NTM: variants seen among roughly 807,000 people sequenced by gnomAD.
NTM encodes the protein neurotrimin, also known as IgLON family member 2.
NTM carries 13 observed loss-of-function variants against 42.1 expected under a neutral mutation model. That is an observed-to-expected ratio of 0.31 (90% CI 0.20 to 0.49). NTM has a LOEUF of 0.49. Among genes scored for constraint, NTM ranks in the 20% least tolerant of loss-of-function variants. NTM has a pLI of 0.99. For missense variants in NTM, 373 were observed against 452.8 expected, an observed-to-expected ratio of 0.82 and a Z score of 1.60; for synonymous variants, 187 against 179.2, an observed-to-expected ratio of 1.04 and a Z score of -0.35.
At chr11:131,645,525 T>C (rs2065666932) in intron 1 of NTM, among the ~76,000 whole-genome samples, 1 of 152,182 alleles carries the variant, frequency 6.6e-6, no homozygotes, top group South Asian at 2.1e-4. Flanking sequence ...CCACAGGAAA[T>C]CTATTCTTTC....
At chr11:131,422,903 T>A (rs762979275) in intron 1 of NTM, among the ~76,000 whole-genome samples, 18 of 152,234 alleles carry the variant, frequency 1.2e-4, no homozygotes, top group Non-Finnish European at 2.6e-4. Flanking sequence ...TTCCTGCTCT[T>A]GTTTCTACTT....
intron 1 of NTM, among the ~76,000 whole-genome samples, chr11:131,476,378 C>T (rs1191919577): frequency 6.6e-6 from 1 of 152,164 alleles, no homozygotes; most frequent in Non-Finnish European, 1.5e-5. Context: ...TGTACCTGGG[C>T]CCTGTGGCCA....
chr11:132,150,768 TG>T (rs2071719353), intron 3 of NTM, among the ~76,000 whole-genome samples: 1 of 152,036 alleles, frequency 6.6e-6, no homozygotes, highest in Admixed American at 6.5e-5. Context: ...AGTGTGAGCA[TG>T]GGGGTGATGA....
chr11:131,681,210 T>TC, intron 1 of NTM, among the ~76,000 whole-genome samples: 1 of 61,722 alleles, frequency 1.6e-5, no homozygotes, highest in African/African-American at 4.3e-5. Context: ...AGTGTGTGTT[T>TC]CTGTGTCTGT....
intron 1 of NTM, among the ~76,000 whole-genome samples, chr11:131,615,529 C>T (rs2061841871): frequency 1.3e-5 from 2 of 152,132 alleles, no homozygotes; most frequent in Non-Finnish European, 2.9e-5. Flanking sequence ...CAATGCCTGG[C>T]TAATTTTTTT....
chr11:131,887,479 A>C (rs1416452232), intron 1 of NTM, among the ~76,000 whole-genome samples: 1 of 152,160 alleles, frequency 6.6e-6, no homozygotes, highest in Non-Finnish European at 1.5e-5. Flanking sequence ...TGTCTTACCA[A>C]ACAGGCCAAG....
chr11:132,085,084 T>C (rs1443019381), intron 2 of NTM, among the ~76,000 whole-genome samples: 1 of 152,242 alleles, frequency 6.6e-6, no homozygotes, highest in Non-Finnish European at 1.5e-5. Context: ...GCAAGATTAA[T>C]TTTTAGAAAC....
intron 1 of NTM, among the ~76,000 whole-genome samples, chr11:131,790,876 C>T (rs2090833871): frequency 6.6e-6 from 1 of 152,194 alleles, no homozygotes; most frequent in African/African-American, 2.4e-5. Context: ...ACATTCAGAT[C>T]TGCACTGCAA....
chr11:131,706,499 C>G (rs546108662), intron 1 of NTM, among the ~76,000 whole-genome samples: 1 of 151,908 alleles, frequency 6.6e-6, no homozygotes, highest in African/African-American at 2.4e-5. Context: ...ACCTAAAAAA[C>G]ATAAAGAACA....
At chr11:131,767,065 C>G (rs1309348812) in intron 1 of NTM, 1 of 644,530 alleles carries the variant, frequency 1.6e-6, no homozygotes, top group African/African-American at 2.0e-5. Context: ...AGTCATCTCT[C>G]TGTGTGTGTC....
intron 2 of NTM, among the ~76,000 whole-genome samples, chr11:132,012,743 A>G (rs1437375734): frequency 6.6e-6 from 1 of 152,188 alleles, no homozygotes; most frequent in East Asian, 1.9e-4. Context: ...AACAAGCTAA[A>G]TCCATACACA....
At chr11:131,442,987 G>A (rs1223991054) in intron 1 of NTM, among the ~76,000 whole-genome samples, 1 of 151,996 alleles carries the variant, frequency 6.6e-6, no homozygotes, top group Non-Finnish European at 1.5e-5. Context: ...TTTTCCTTTG[G>A]TAGATGCCCA....
intron 2 of NTM, among the ~76,000 whole-genome samples, chr11:132,049,052 G>C (rs1026097887): frequency 1.3e-5 from 2 of 152,008 alleles, no homozygotes; most frequent in African/African-American, 2.4e-5. Flanking sequence ...CGATTTTTCA[G>C]ATATGACCAG....
intron 1 of NTM, among the ~76,000 whole-genome samples, chr11:131,469,002 C>T (rs146810068): frequency 2.0e-5 from 3 of 152,362 alleles, no homozygotes; most frequent in Non-Finnish European, 4.4e-5. Flanking sequence ...AGATGGAAAG[C>T]GTTGGTTGTT....
At chr11:131,939,853 G>A (rs1014885839) in intron 2 of NTM, among the ~76,000 whole-genome samples, 6 of 152,142 alleles carry the variant, frequency 3.9e-5, no homozygotes, top group African/African-American at 1.4e-4. Flanking sequence ...AATTAGGAGA[G>A]TAGCAAGGAG....
chr11:131,531,966 A>G (rs1174254898), intron 1 of NTM, among the ~76,000 whole-genome samples: 2 of 152,148 alleles, frequency 1.3e-5, no homozygotes, highest in Non-Finnish European at 1.5e-5. Context: ...TGCTGGGGAG[A>G]AAGGAAAGGT....
At chr11:131,717,477 T>A (rs2135366802) in intron 1 of NTM, among the ~76,000 whole-genome samples, 1 of 152,364 alleles carries the variant, frequency 6.6e-6, no homozygotes, top group African/African-American at 2.4e-5. Flanking sequence ...AGTATTTAAA[T>A]TTTTAATGAC....
At chr11:132,285,415 C>T (rs2094189874) in intron 4 of NTM, among the ~76,000 whole-genome samples, 1 of 152,124 alleles carries the variant, frequency 6.6e-6, no homozygotes, top group Admixed American at 6.5e-5. Flanking sequence ...GAATGAAATG[C>T]TCCCAGCTCT....
intron 6 of NTM, chr11:132,312,761 A>T (rs1388508397): frequency 6.5e-6 from 1 of 154,880 alleles, no homozygotes; most frequent in Non-Finnish European, 1.5e-5. Flanking sequence ...AATCAGCCTG[A>T]CTTGCTCGCA....
Sources: gnomAD v4.1 joint callset for allele counts (sites outside exome capture counted in the v4.1 genomes callset) on GRCh38, gnomAD v4.1.1 for gene constraint, MANE v1.5 for transcripts, NCBI Gene and HGNC (gene_info 2026-07-23, HGNC 2026-07-21) for gene names.